Variants in OSBPL10 observed in about 807,000 individuals in gnomAD.
OSBPL10 encodes the protein oxysterol binding protein like 10.
In OSBPL10, 49 loss-of-function variants were observed where a neutral mutation model predicts 81.7. That is an observed-to-expected ratio of 0.60 (90% confidence interval 0.48 to 0.76). The LOEUF is 0.76. Ranked by LOEUF, OSBPL10 falls within the 30% of genes least tolerant of loss-of-function variation. OSBPL10 has a pLI of 0.00. For missense variants in OSBPL10, 923 were observed against 987.8 expected (o/e 0.93, Z 0.88); for synonymous variants, 419 against 383.6 (o/e 1.09, Z -1.08).
At chr3:31,867,603 C>G (rs1368190669) in intron 3 of OSBPL10, among the ~76,000 whole-genome samples, 1 of 152,080 alleles carries the variant, frequency 6.6e-6, no homozygotes, top group Non-Finnish European at 1.5e-5. Context: ...ATTAGCCAGG[C>G]ATAGTGGTGT....
chr3:31,763,703 C>G (rs1354085124), intron 4 of OSBPL10, among the ~76,000 whole-genome samples: 1 of 152,168 alleles, frequency 6.6e-6, no homozygotes, highest in East Asian at 1.9e-4. Flanking sequence ...ACATACTTCT[C>G]TTTTCCACCT....
chr3:31,694,146 A>G (rs1695639457), intron 7 of OSBPL10, among the ~76,000 whole-genome samples: 2 of 152,124 alleles, frequency 1.3e-5, no homozygotes, highest in Admixed American at 6.6e-5. Flanking sequence ...CAAGGCAGGC[A>G]GATCACCTGA....
chr3:31,834,681 A>C (rs1183893982), intron 3 of OSBPL10, among the ~76,000 whole-genome samples: 1 of 152,228 alleles, frequency 6.6e-6, no homozygotes, highest in African/African-American at 2.4e-5. Context: ...GAGAGGAATC[A>C]CTAGAAAGAA....
intron 1 of OSBPL10, among the ~76,000 whole-genome samples, chr3:31,922,703 G>A (rs1013888819): frequency 2.6e-5 from 4 of 152,086 alleles, no homozygotes; most frequent in African/African-American, 7.2e-5. Context: ...GAAGGAAAGA[G>A]AAGAAAGGCA....
chr3:31,952,577 G>C (rs1667519534), intron 1 of OSBPL10, among the ~76,000 whole-genome samples: 2 of 152,156 alleles, frequency 1.3e-5, no homozygotes, highest in South Asian at 2.1e-4. Flanking sequence ...CAATGAGAAG[G>C]AATCAACAAC....
At chr3:31,854,972 G>C (rs987848153) in intron 3 of OSBPL10, among the ~76,000 whole-genome samples, 1 of 151,862 alleles carries the variant, frequency 6.6e-6, no homozygotes, top group Non-Finnish European at 1.5e-5. Context: ...ATCAGATCTA[G>C]TTTAGGGTAG....
intron 4 of OSBPL10, among the ~76,000 whole-genome samples, chr3:31,777,414 T>C (rs1698574932): frequency 6.6e-6 from 1 of 152,208 alleles, no homozygotes; most frequent in South Asian, 2.1e-4. Context: ...CTAAAGAGTA[T>C]TTGACTCAGT....
intron 3 of OSBPL10, among the ~76,000 whole-genome samples, chr3:31,863,914 T>C (rs921076155): frequency 1.3e-5 from 2 of 152,204 alleles, no homozygotes; most frequent in African/African-American, 4.8e-5. Context: ...CTAATACTAC[T>C]ACTGTTACTA....
chr3:31,880,512 A>G (rs1170924207), intron 1 of OSBPL10, among the ~76,000 whole-genome samples: 10 of 152,170 alleles, frequency 6.6e-5, no homozygotes, highest in Non-Finnish European at 1.5e-4. Context: ...CTGGCCTGTT[A>G]ATTTTCTCAA....
Position 31,830,166 on chromosome 3 carries a change from A to T in OSBPL10, c.603T>A (p.Ser201=). 6.2e-7 allele frequency: 1 copy of T among 1,614,194 alleles called. No homozygotes were observed. The highest frequency in any genetic ancestry group is 8.5e-7 in the Non-Finnish European group (1 of 1,180,028). ...CACTGAGGTGTCTCTGGCTACAGGG[A>T]GACGCAGAATTGGGTGTTCCATGTG... The part of the protein sequence containing the change: ...LLPHGTPNSA[S]PCSQRHLSVG... The change falls in exon 4 of 12, where the codon TCT becomes TCA. Residue 201 remains serine (S), a synonymous_variant. Transcript: ENST00000396556.
At chr3:32,016,118 A>G (rs1326509684) in intron 2 of OSBPL10, among the ~76,000 whole-genome samples, 3 of 152,224 alleles carry the variant, frequency 2.0e-5, no homozygotes, top group Non-Finnish European at 4.4e-5. Context: ...AGGATTATAA[A>G]TCATGCTGCT....
Position 32,036,691 on chromosome 3 carries a change from C to T in OSBPL10, n.298+9800G>A, listed in dbSNP as rs981999223. Among the ~76,000 whole-genome samples the T allele has an allele frequency of 2.6e-5, 4 of 152,048 alleles. No individual in the cohort carries two copies. In the East Asian group the frequency reaches 7.7e-4, roughly 29 times the overall value. ...CACATTCATAGGCCAGGGATGGTAG[C>T]TCATGCCTGTAGTCCCACCACTTTG... On this transcript the variant is annotated intron_variant and non_coding_transcript_variant, in intron 2 of 3. Transcript: ENST00000479173.
chr3:31,913,006 A>G (rs1240220706), intron 1 of OSBPL10, among the ~76,000 whole-genome samples: 1 of 152,202 alleles, frequency 6.6e-6, no homozygotes, highest in Non-Finnish European at 1.5e-5. Flanking sequence ...TTGTACATAC[A>G]CACACACATA....
intron 2 of OSBPL10, among the ~76,000 whole-genome samples, chr3:32,038,038 G>A (rs1328712099): frequency 6.6e-6 from 1 of 152,212 alleles, no homozygotes; most frequent in Admixed American, 6.5e-5. Flanking sequence ...TAAGGAAGTT[G>A]TACCAAGAGA....
At chr3:31,726,110 G>T (rs1446221354) in intron 6 of OSBPL10, among the ~76,000 whole-genome samples, 1 of 152,054 alleles carries the variant, frequency 6.6e-6, no homozygotes, top group African/African-American at 2.4e-5. Flanking sequence ...CAAAAGCCCA[G>T]TTCTGGTCTC....
intron 2 of OSBPL10, among the ~76,000 whole-genome samples, chr3:31,878,587 A>G (rs1389399271): frequency 2.6e-5 from 4 of 152,230 alleles, no homozygotes; most frequent in Non-Finnish European, 5.9e-5. Context: ...TGGCAGAAGA[A>G]TGGTGAAAAC....
intron 7 of OSBPL10, chr3:31,700,200 G>T (rs780797764): frequency 5.9e-5 from 9 of 152,202 alleles, no homozygotes; most frequent in Non-Finnish European, 1.2e-4. Flanking sequence ...ACTCAACTGA[G>T]TATTGGGAGA....
chr3:31,722,950 A>G (rs1050618205), intron 6 of OSBPL10, among the ~76,000 whole-genome samples: 1 of 152,224 alleles, frequency 6.6e-6, no homozygotes, highest in African/African-American at 2.4e-5. Flanking sequence ...ATGATCAAGA[A>G]AAATGTGAAT....
intron 1 of OSBPL10, among the ~76,000 whole-genome samples, chr3:31,930,168 T>A (rs892874837): frequency 2.7e-5 from 4 of 149,250 alleles, no homozygotes; most frequent in South Asian, 4.2e-4. Flanking sequence ...AAAAAAAAAT[T>A]TTTTTTTAAT....
Sources: gnomAD v4.1 joint callset for allele counts (sites outside exome capture counted in the v4.1 genomes callset) on GRCh38, gnomAD v4.1.1 for gene constraint, MANE v1.5 for transcripts, NCBI Gene and HGNC (gene_info 2026-07-23, HGNC 2026-07-21) for gene names.